RALYL: variants seen among roughly 807,000 people sequenced by gnomAD.
RALYL encodes RALY RNA binding protein like, also known as RNA-binding Raly-like protein.
RALYL carries 29 observed loss-of-function variants against 35.1 expected under a neutral mutation model. That is an observed-to-expected ratio of 0.83 (90% CI 0.61 to 1.13). The LOEUF is 1.13. Ranked by LOEUF, RALYL falls within the 50% of genes most tolerant of loss-of-function variation. The pLI is 0.00. For missense variants in RALYL, 359 were observed against 360.4 expected (o/e 1.00, Z 0.03); for synonymous variants, 120 against 127.6 (o/e 0.94, Z 0.40).
chr8:84,726,070 G>A lies in RALYL; in HGVS notation c.257-48509G>A, dbSNP rs957546263. Among the ~76,000 whole-genome samples the A allele has an allele frequency of 4.0e-5, 6 of 150,938 alleles. No homozygotes were observed. The Admixed American group carries it at 4.0e-4, about 10-fold the overall frequency. On this transcript the variant is annotated intron_variant, in intron 2 of 8. Transcript: ENST00000521268. ...CTTTGTTATAAAAGTAAATTCAGAT[G>A]TAAAATAGCCTCAAAGCAACTTGAA...
intron 4 of RALYL, among the ~76,000 whole-genome samples, chr8:84,849,457 G>A (rs566418816): frequency 1.3e-5 from 2 of 152,186 alleles, no homozygotes; most frequent in South Asian, 4.1e-4. Context: ...AGGAAGAAGG[G>A]ATAATTATAT....
At chr8:84,401,970 T>C (rs2042965844) in intron 1 of RALYL, among the ~76,000 whole-genome samples, 1 of 152,180 alleles carries the variant, frequency 6.6e-6, no homozygotes, top group Non-Finnish European at 1.5e-5. Flanking sequence ...TGAAATCACT[T>C]GTAACCCTTT....
At chr8:84,214,971 T>C (rs769554364) in intron 1 of RALYL, among the ~76,000 whole-genome samples, 1 of 152,120 alleles carries the variant, frequency 6.6e-6, no homozygotes, top group African/African-American at 2.4e-5. Flanking sequence ...AGTGGCATGA[T>C]CTCCGCTCAC....
At chr8:84,649,677 C>A (rs1374090368) in intron 2 of RALYL, among the ~76,000 whole-genome samples, 46 of 151,696 alleles carry the variant, frequency 3.0e-4, no homozygotes, top group East Asian at 1.9e-3. Flanking sequence ...TGTTTTGGTT[C>A]CTGTAGCCTT....
At chr8:84,602,284 G>A (rs1816149977) in intron 2 of RALYL, among the ~76,000 whole-genome samples, 1 of 152,062 alleles carries the variant, frequency 6.6e-6, no homozygotes, top group African/African-American at 2.4e-5. Flanking sequence ...CACTTGCCCA[G>A]GTCAGAAATC....
At chr8:84,631,220 C>G (rs988470070) in intron 2 of RALYL, among the ~76,000 whole-genome samples, 1 of 151,958 alleles carries the variant, frequency 6.6e-6, no homozygotes, top group Admixed American at 6.6e-5. Context: ...AGAAATCCCT[C>G]TTATTGTCCA....
chr8:84,192,909 G>GGC (rs1186278407), intron 1 of RALYL, among the ~76,000 whole-genome samples: 1 of 146,624 alleles, frequency 6.8e-6, no homozygotes, highest in Non-Finnish European at 1.5e-5. Flanking sequence ...GTGTGTGTGG[G>GGC]GGGGGGGGTT....
chr8:84,621,005 G>A (rs1183067652), intron 2 of RALYL, among the ~76,000 whole-genome samples: 2 of 152,206 alleles, frequency 1.3e-5, no homozygotes, highest in Non-Finnish European at 2.9e-5. Context: ...AAAGCTGTCA[G>A]ACAGGGACAT....
chr8:84,621,130 T>C (rs942314890), intron 2 of RALYL, among the ~76,000 whole-genome samples: 1 of 152,190 alleles, frequency 6.6e-6, no homozygotes, highest in Non-Finnish European at 1.5e-5. Flanking sequence ...AGTTCGAGCT[T>C]CCTGGCTGCT....
At position 84,469,864 on chromosome 8, in the gene RALYL, G is replaced by A. The variant is rs184407563; in HGVS notation, c.-23-59435G>A. Among the ~76,000 whole-genome samples, 475 of 152,236 alleles carry A rather than the reference G, an allele frequency of 3.1e-3. 1 individual carries two copies. The highest frequency in any genetic ancestry group is 7.3e-3 in the South Asian group (35 of 4,818). ...TGGTGCGCTGTTTTTTAAGCCCGTC[G>A]GAAAAGCGCAGTATTCGGGTGGGAG... On this transcript the variant is annotated intron_variant, in intron 1 of 8. Transcript: ENST00000521268.
rs2134947915 is a variant in RALYL, at chr8:84,529,476, C to T, written c.155C>T (p.Ser52Phe). 2 of 1,613,744 alleles carry T rather than the reference C, an allele frequency of 1.2e-6. No homozygotes were observed. Among genetic ancestry groups the T allele is most frequent in the South Asian group, 1.1e-5 (1 of 91,076 alleles). The change falls in exon 2 of 9, where the codon TCC becomes TTC. Residue 52 changes from serine (S) to phenylalanine (F), a missense_variant. Physicochemically the swap from Ser to Phe is radical, Grantham distance 155. Transcript: ENST00000521268. Reference sequence around the variant, plus strand: ...AAGTATGGAAAAATAGTTGGATGTTCCGTTCACAAAGGTTATGCATTTGTA... The same window carrying T: ...AAGTATGGAAAAATAGTTGGATGTTTCGTTCACAAAGGTTATGCATTTGTA... ...FSKYGKIVGC[S>F]VHKGYAFVQY...
intron 1 of RALYL, among the ~76,000 whole-genome samples, chr8:84,398,052 G>A (rs908735017): frequency 6.6e-6 from 1 of 152,220 alleles, no homozygotes; most frequent in Non-Finnish European, 1.5e-5. Context: ...GCAACAAGAA[G>A]TGTTAAATGC....
chr8:84,519,737 G>C lies in RALYL; in HGVS notation c.-23-9562G>C, dbSNP rs189376008. 2.4e-3 allele frequency among the ~76,000 whole-genome samples: 358 copies of C among 152,272 alleles called. 2 individuals are homozygous for C. The highest frequency in any genetic ancestry group is 8.1e-3 in the African/African-American group (338 of 41,548). ...ACCCCTTTTAGCAATGTCTACAACA[G>C]GCACTAAAACAAGGGGATGATATGA... is the stretch of plus-strand genomic sequence containing the variant. On this transcript the variant is annotated intron_variant, in intron 1 of 8. Transcript: ENST00000521268.
chr8:84,328,877 C>A (rs1197156559), intron 1 of RALYL, among the ~76,000 whole-genome samples: 1 of 152,132 alleles, frequency 6.6e-6, no homozygotes, highest in East Asian at 1.9e-4. Context: ...TCTGTTCCTG[C>A]ATTGATTCGA....
chr8:84,229,841 G>A (rs962618282), intron 1 of RALYL, among the ~76,000 whole-genome samples: 8 of 152,110 alleles, frequency 5.3e-5, no homozygotes, highest in South Asian at 2.1e-4. Flanking sequence ...AGCTGAGACT[G>A]GAACTCACAG....
At chr8:84,905,609 T>C (rs1422743022) in intron 8 of RALYL, among the ~76,000 whole-genome samples, 4 of 152,138 alleles carry the variant, frequency 2.6e-5, no homozygotes. Flanking sequence ...AAAGTAATTC[T>C]CTTTATCCTA....
intron 3 of RALYL, among the ~76,000 whole-genome samples, chr8:84,793,093 G>A (rs73299230): frequency 0.034 from 5,103 of 152,228 alleles, 305 homozygotes; most frequent in African/African-American, 0.12. Context: ...TATCATATAG[G>A]CAATTGAATA....
At chr8:84,260,793 T>A (rs1486725544) in intron 1 of RALYL, among the ~76,000 whole-genome samples, 1 of 152,216 alleles carries the variant, frequency 6.6e-6, no homozygotes, top group Non-Finnish European at 1.5e-5. Context: ...TAGAACCAGT[T>A]ACCTAAAAAT....
chr8:84,610,281 C>G (rs1818018185), intron 2 of RALYL, among the ~76,000 whole-genome samples: 1 of 151,914 alleles, frequency 6.6e-6, no homozygotes, highest in African/African-American at 2.4e-5. Context: ...GACTCCCAGA[C>G]TTTCTTTGTT....
Sources: allele counts gnomAD v4.1 joint callset (sites outside exome capture counted in the v4.1 genomes callset), GRCh38; gene constraint gnomAD v4.1.1; transcripts MANE v1.5; gene names NCBI Gene and HGNC (gene_info 2026-07-23, HGNC 2026-07-21).